Variants in ATXN7 observed in about 807,000 individuals in gnomAD.
ATXN7 encodes the protein ataxin 7, also known as ataxin-7.
A neutral mutation model predicts 70.5 loss-of-function variants in ATXN7; 12 were observed. That is an observed-to-expected ratio of 0.17 (90% CI 0.11 to 0.28). ATXN7 has a LOEUF of 0.28. Among genes scored for constraint, ATXN7 ranks in the 10% least tolerant of loss-of-function variants. The pLI, the probability that ATXN7 is intolerant of heterozygous loss-of-function variation, is 1.00. For synonymous variants in ATXN7, 498 were observed against 448.7 expected (o/e 1.11, Z -1.39); for missense variants, 1,256 against 1,131.7 (o/e 1.11, Z -1.58).
intron 4 of ATXN7, among the ~76,000 whole-genome samples, chr3:63,937,058 A>G (rs997529815): frequency 6.6e-6 from 1 of 152,350 alleles, no homozygotes; most frequent in East Asian, 1.9e-4. Flanking sequence ...TGCCTAGCCT[A>G]GTGTAATTAT....
chr3:63,879,423 TTTA>T (rs1406261058), intron 1 of ATXN7, among the ~76,000 whole-genome samples: 2 of 152,172 alleles, frequency 1.3e-5, no homozygotes, highest in Non-Finnish European at 2.9e-5. Flanking sequence ...AAATGTGTTT[TTTA>T]TTATTAAGGT....
intron 8 of ATXN7, among the ~76,000 whole-genome samples, chr3:63,987,633 G>A (rs1418799557): frequency 6.6e-6 from 1 of 152,156 alleles, no homozygotes; most frequent in Non-Finnish European, 1.5e-5. Flanking sequence ...TTTATGGAAT[G>A]ATTGTTTCTT....
In ATXN7 at chr3:63,913,240, C is replaced by A. The variant is rs776722384; in HGVS notation, c.394+15C>A. On this transcript the variant is annotated intron_variant, in intron 4 of 12. Coordinates refer to ENST00000674280, the MANE Select transcript of ATXN7 (RefSeq NM_001377405.1). The stretch of plus-strand genomic sequence containing the variant: ...CTGTCGGGAAGGTGAGTCCAGCCCC[C>A]CTGATGGAGTTTGTACAAACCCCTG... 3 of 1,612,300 alleles carry A rather than the reference C, an allele frequency of 1.9e-6. No homozygotes were observed. The Admixed American group carries it at 5.0e-5, about 27-fold the overall frequency.
intron 4 of ATXN7, among the ~76,000 whole-genome samples, chr3:63,915,481 G>C (rs1353869405): frequency 6.6e-6 from 1 of 152,162 alleles, no homozygotes; most frequent in Non-Finnish European, 1.5e-5. Context: ...GACCATTGTA[G>C]GCTGCTTCAG....
At chr3:63,891,339 G>C (rs1018835268) in intron 1 of ATXN7, among the ~76,000 whole-genome samples, 1 of 149,174 alleles carries the variant, frequency 6.7e-6, no homozygotes, top group African/African-American at 2.5e-5. Context: ...TTTTTTAAGA[G>C]ATGGGGTCTT....
At chr3:63,998,200 A>AGGCC in intron 12 of ATXN7, 1 of 563,320 alleles carries the variant, frequency 1.8e-6, no homozygotes, top group Non-Finnish European at 2.1e-6. Context: ...AAAGGACAGA[A>AGGCC]GGGGGGGGGG....
chr3:63,986,099 GGGAGAGGTA>G (rs1157229894), intron 8 of ATXN7, among the ~76,000 whole-genome samples: 1 of 152,194 alleles, frequency 6.6e-6, no homozygotes, highest in African/African-American at 2.4e-5. Context: ...TGAGAGGGAT[GGGAGAGGTA>G]GGAGAGGTGG....
At chr3:63,962,714 T>C (rs1324459049) in intron 5 of ATXN7, among the ~76,000 whole-genome samples, 2 of 152,042 alleles carry the variant, frequency 1.3e-5, no homozygotes, top group Admixed American at 1.3e-4. Flanking sequence ...CTACAACTTC[T>C]AATACTGAAG....
intron 1 of ATXN7, among the ~76,000 whole-genome samples, chr3:63,870,849 C>G (rs533422219): frequency 2.0e-5 from 3 of 152,138 alleles, no homozygotes; most frequent in Non-Finnish European, 2.9e-5. Context: ...ATAAAGCACA[C>G]AAAAATTCCT....
In ATXN7 at chr3:63,963,208, A is replaced by G. The variant is rs574530248; in HGVS notation, c.499+10725A>G. Among the ~76,000 whole-genome samples the G allele has an allele frequency of 3.3e-5, 5 of 152,078 alleles. No homozygotes were observed. In the South Asian group the frequency reaches 1.0e-3, roughly 32 times the overall value. On this transcript the variant is annotated intron_variant, in intron 5 of 12. Coordinates refer to ENST00000674280, the MANE Select transcript of ATXN7 (RefSeq NM_001377405.1). ...TGGGATTACAGGTGTGAACCACCAC[A>G]CTCGGCCAGAATTTTGTATTTAATT...
chr3:63,977,682 G>A (rs1365776639), intron 5 of ATXN7, among the ~76,000 whole-genome samples: 1 of 152,134 alleles, frequency 6.6e-6, no homozygotes, highest in East Asian at 1.9e-4. Context: ...GGATTAGGGG[G>A]TGGTTTCAGG....
In ATXN7 at chr3:63,965,207, T is replaced by C. The variant is rs186114113; in HGVS notation, c.499+12724T>C. Among the ~76,000 whole-genome samples, 3 of 152,320 alleles carry C rather than the reference T, an allele frequency of 2.0e-5. No homozygotes were observed. The East Asian group carries it at 5.8e-4, about 29-fold the overall frequency. On this transcript the variant is annotated intron_variant, in intron 5 of 12. Coordinates refer to ENST00000674280, the MANE Select transcript of ATXN7 (RefSeq NM_001377405.1). Reference sequence around the variant, plus strand: ...TCTCCTTGGTTGTAATCATAATAGCTAACATTTGCTGAACGTTTAACAAGT... The same window carrying C: ...TCTCCTTGGTTGTAATCATAATAGCCAACATTTGCTGAACGTTTAACAAGT...
rs971461240 is a variant in ATXN7 at position 64,000,830 on chromosome 3, A to G, written c.*1363A>G. The G allele has an allele frequency of 4.3e-5, 5 of 115,694 alleles. No homozygotes were observed. Among genetic ancestry groups the G allele is most frequent in the Non-Finnish European group, 8.2e-5 (5 of 61,130 alleles). The allele number at this position is 115,694 out of a possible 1,614,324, so 7.2% of individuals were successfully genotyped here. ...CCCCCACCCCTAAAGAAAGACCTTA[A>G]TATGTTAAAACAGCATTGCTTGGAG... is the stretch of plus-strand genomic sequence containing the variant. On this transcript the variant is annotated 3_prime_UTR_variant, in exon 13 of 13. Transcript: ENST00000674280.
intron 4 of ATXN7, among the ~76,000 whole-genome samples, chr3:63,915,119 T>C (rs536948021): frequency 6.6e-6 from 1 of 152,110 alleles, no homozygotes; most frequent in Non-Finnish European, 1.5e-5. Context: ...TGTGTTTTAG[T>C]AGAGAGGAGG....
At chr3:63,938,513 G>A (rs2074702467) in intron 4 of ATXN7, among the ~76,000 whole-genome samples, 1 of 152,110 alleles carries the variant, frequency 6.6e-6, no homozygotes, top group Non-Finnish European at 1.5e-5. Flanking sequence ...CCAAACCAGA[G>A]AAAGCAGCTG....
chr3:63,997,622 A>G lies in ATXN7; in HGVS notation c.2661+1139A>G, dbSNP rs554990824. 1.5e-4 allele frequency: 239 copies of G among 1,551,398 alleles called. 1 individual carries two copies. In the South Asian group the frequency reaches 2.4e-3, roughly 16 times the overall value. ...TCATCTTGTTATTTTATTCATCAGGATATCTCCTCACCTTGCTTACGAACA... is the reference window on the plus strand; with the variant it reads ...TCATCTTGTTATTTTATTCATCAGGGTATCTCCTCACCTTGCTTACGAACA... On this transcript the variant is annotated intron_variant, in intron 12 of 12. Coordinates refer to ENST00000674280, the MANE Select transcript of ATXN7 (RefSeq NM_001377405.1).
intron 5 of ATXN7, among the ~76,000 whole-genome samples, chr3:63,953,528 A>C (rs940212000): frequency 6.6e-6 from 1 of 152,146 alleles, no homozygotes; most frequent in Non-Finnish European, 1.5e-5. Flanking sequence ...TCAGTGGTTG[A>C]TTTGCTGAGA....
At chr3:63,982,121 T>C (rs1341602407) in intron 6 of ATXN7, 65 bp from the exon 7 acceptor site, 2 of 1,605,194 alleles carry the variant, frequency 1.2e-6, no homozygotes, top group African/African-American at 2.7e-5. Context: ...TCCCTCTGGC[T>C]CACCATTCAC....
intron 4 of ATXN7, among the ~76,000 whole-genome samples, chr3:63,947,413 C>T (rs1246537992): frequency 1.3e-5 from 2 of 152,042 alleles, no homozygotes; most frequent in Non-Finnish European, 2.9e-5. Context: ...AGTGAGACCC[C>T]TGTCTCTACA....
Sources: gnomAD v4.1 joint callset for allele counts (sites outside exome capture counted in the v4.1 genomes callset) on GRCh38, gnomAD v4.1.1 for gene constraint, MANE v1.5 for transcripts, NCBI Gene and HGNC (gene_info 2026-07-23, HGNC 2026-07-21) for gene names.